MINDY2: variants seen among roughly 807,000 people sequenced by gnomAD.
The protein encoded by MINDY2 is MINDY lysine 48 deubiquitinase 2, also known as ubiquitin carboxyl-terminal hydrolase MINDY-2.
A neutral mutation model predicts 68.2 loss-of-function variants in MINDY2; 52 were observed. The ratio of observed to expected loss-of-function variants is 0.76; its 90% CI spans 0.61 to 0.96. The LOEUF is 0.96. Among genes scored for constraint, MINDY2 ranks in the 40% least tolerant of loss-of-function variants. The probability of loss-of-function intolerance (pLI) is 0.00; values close to 1 mark genes in which losing one functional copy is unlikely to be tolerated. For synonymous variants in MINDY2, 372 were observed against 303.0 expected (o/e 1.23, Z -2.36); for missense variants, 881 against 773.4 (o/e 1.14, Z -1.65).
At chr15:58,775,957 G>A (rs1242798647) in intron 1 of MINDY2, among the ~76,000 whole-genome samples, 2 of 151,190 alleles carry the variant, frequency 1.3e-5, no homozygotes, top group Non-Finnish European at 2.9e-5. Flanking sequence ...CTGCCTCCCG[G>A]GTTCAAGTGA....
intron 6 of MINDY2, among the ~76,000 whole-genome samples, chr15:58,839,138 A>G (rs1208333283): frequency 6.6e-6 from 1 of 151,938 alleles, no homozygotes; most frequent in East Asian, 1.9e-4. Context: ...GTGCGTTAAA[A>G]TCTTTTGTCA....
intron 1 of MINDY2, among the ~76,000 whole-genome samples, chr15:58,785,135 C>CAAAAAAA (rs397719705): frequency 0.017 from 1,120 of 67,486 alleles, no homozygotes; most frequent in East Asian, 0.05. Flanking sequence ...TGAAGGAAAG[C>CAAAAAAA]AAAAAAAAAA....
At position 58,797,594 on chromosome 15, in the gene MINDY2, G is replaced by A. The variant is rs537720057; in HGVS notation, c.899-4719G>A. Among the ~76,000 whole-genome samples, 3 of 152,250 alleles carry A rather than the reference G, an allele frequency of 2.0e-5. No individual in the cohort carries two copies. In the South Asian group the frequency reaches 6.2e-4, roughly 32 times the overall value. On this transcript the variant is annotated intron_variant, in intron 2 of 8. Transcript: ENST00000559228. ...CTAGAAAATTTAAAATTACATTTGA[G>A]CTCAAATTCGTGGCTTGCATTATAT...
intron 6 of MINDY2, among the ~76,000 whole-genome samples, chr15:58,835,272 T>TA (rs1324808548): frequency 6.6e-6 from 1 of 152,338 alleles, no homozygotes; most frequent in East Asian, 1.9e-4. Flanking sequence ...TGAGTGTTTT[T>TA]ATCAGGATTT....
chr15:58,851,013 G>A (rs563428531), intron 7 of MINDY2, among the ~76,000 whole-genome samples: 18 of 150,932 alleles, frequency 1.2e-4, no homozygotes, highest in Non-Finnish European at 2.4e-4. Context: ...TTCCTCTGTC[G>A]CCCAGGCTGG....
At chr15:58,774,727 C>T (rs1900671736) in intron 1 of MINDY2, among the ~76,000 whole-genome samples, 1 of 152,030 alleles carries the variant, frequency 6.6e-6, no homozygotes, top group Admixed American at 6.6e-5. Flanking sequence ...TGAGAGAAGA[C>T]CTTCTGGGCA....
intron 2 of MINDY2, among the ~76,000 whole-genome samples, chr15:58,794,358 GGT>G (rs3985718): frequency 0.068 from 9,433 of 139,032 alleles, 302 homozygotes; most frequent in African/African-American, 0.075. Context: ...TTTTTTTTGG[GGT>G]GTGTGTGTGT....
At chr15:58,780,654 T>C (rs1326033147) in intron 1 of MINDY2, among the ~76,000 whole-genome samples, 5 of 152,338 alleles carry the variant, frequency 3.3e-5, no homozygotes, top group Admixed American at 3.3e-4. Context: ...TGGTACCAGT[T>C]GGTCTTTATA....
chr15:58,831,012 C>A, intron 5 of MINDY2, among the ~76,000 whole-genome samples: 1 of 127,140 alleles, frequency 7.9e-6, no homozygotes, highest in African/African-American at 3.4e-5. Context: ...ATATGAAGAT[C>A]AGTTGTGTGT....
chr15:58,804,718 G>C (rs1015190305), intron 3 of MINDY2, among the ~76,000 whole-genome samples: 1 of 151,840 alleles, frequency 6.6e-6, no homozygotes, highest in Non-Finnish European at 1.5e-5. Flanking sequence ...GAGGTCAGAG[G>C]ATCGCTTGAG....
chr15:58,798,350 C>G (rs1279613773), intron 2 of MINDY2, among the ~76,000 whole-genome samples: 1 of 150,734 alleles, frequency 6.6e-6, no homozygotes, highest in Non-Finnish European at 1.5e-5. Flanking sequence ...TGATCTCGAA[C>G]TCCTGACCTC....
intron 2 of MINDY2, 69 bp from the exon 3 acceptor site, chr15:58,802,244 T>C: frequency 2.0e-6 from 2 of 995,786 alleles, no homozygotes; most frequent in Non-Finnish European, 3.0e-6. Context: ...AATTAAGATC[T>C]ATTACTTTTG....
intron 5 of MINDY2, among the ~76,000 whole-genome samples, chr15:58,827,620 C>T (rs542203291): frequency 6.6e-6 from 1 of 152,208 alleles, no homozygotes; most frequent in African/African-American, 2.4e-5. Context: ...CCCGCCACCA[C>T]GGCCGGCTAA....
At position 58,771,776 on chromosome 15, in the gene MINDY2, A is replaced by C; in HGVS notation, c.381A>C (p.Gly127=). 6.2e-7 allele frequency: 1 copy of C among 1,610,618 alleles called. No homozygotes were observed. Among genetic ancestry groups the C allele is most frequent in the Non-Finnish European group, 8.5e-7 (1 of 1,179,144 alleles). The change falls in exon 1 of 9, where the codon GGA becomes GGC. Residue 127 remains glycine, a synonymous_variant. Coordinates refer to ENST00000559228, the MANE Select transcript of MINDY2 (RefSeq NM_001040450.3). ...TGGGTCATGAGTTGGGTACCGCCGG[A>C]GACGCGGGAGCCCGCCCGGATCTCG... ...AGVGHELGTA[G]DAGARPDLAG...
intron 5 of MINDY2, 71 bp from the exon 6 acceptor site, chr15:58,831,703 T>C (rs1329715089): frequency 1.4e-6 from 2 of 1,424,384 alleles, no homozygotes; most frequent in Non-Finnish European, 1.9e-6. Context: ...GAACACACTT[T>C]AAATAGAAAA....
intron 2 of MINDY2, 144 bp downstream of exon 2, chr15:58,788,107 A>T (rs968693997): frequency 1.9e-6 from 1 of 539,672 alleles, no homozygotes; most frequent in Non-Finnish European, 3.2e-6. Context: ...AAAAATTTTT[A>T]TCAGTATGTT....
Position 58,851,842 on chromosome 15 carries a change from A to AG in MINDY2, c.1616dup (p.Ile540AsnfsTer3). 6.2e-7 allele frequency: 1 copy of AG among 1,613,120 alleles called. No homozygotes were observed. Among genetic ancestry groups the AG allele is most frequent in the Non-Finnish European group, 8.5e-7 (1 of 1,179,618 alleles). ...AGATCAATTGGGAACAAATCCCGGA[A>AG]GGAATCAGTGATTTGGAACTAGCAA... is the stretch of plus-strand genomic sequence containing the variant. On this transcript the variant is annotated frameshift_variant, in exon 8 of 9. Coordinates refer to ENST00000559228, the MANE Select transcript of MINDY2 (RefSeq NM_001040450.3). LOFTEE classifies it high-confidence loss of function.
intron 6 of MINDY2, among the ~76,000 whole-genome samples, chr15:58,841,850 G>A (rs1436180414): frequency 6.6e-6 from 1 of 152,136 alleles, no homozygotes; most frequent in Admixed American, 6.5e-5. Flanking sequence ...GTAAAGATGG[G>A]TTGTAAATAA....
chr15:58,852,935 T>TG (rs1567079719), intron 8 of MINDY2, among the ~76,000 whole-genome samples: 1 of 25,172 alleles, frequency 4.0e-5, no homozygotes, highest in African/African-American at 1.3e-4. Context: ...TTTTTTTTTT[T>TG]TTTTTTTTTT....
Sources: gnomAD v4.1 joint callset for allele counts (sites outside exome capture counted in the v4.1 genomes callset) on GRCh38, gnomAD v4.1.1 for gene constraint, MANE v1.5 for transcripts, NCBI Gene and HGNC (gene_info 2026-07-23, HGNC 2026-07-21) for gene names.